KIAA0513: variants seen among roughly 807,000 people sequenced by gnomAD.
KIAA0513 encodes uncharacterized protein KIAA0513.
A neutral mutation model predicts 56.5 loss-of-function variants in KIAA0513; 39 were observed. That is an observed-to-expected ratio of 0.69 (90% CI 0.53 to 0.90). The LOEUF (loss-of-function observed/expected upper bound fraction) is 0.90. Ranked by LOEUF, KIAA0513 falls within the 40% of genes least tolerant of loss-of-function variation. KIAA0513 has a pLI of 0.00. For missense variants in KIAA0513, 591 were observed against 535.2 expected, an observed-to-expected ratio of 1.10 and a Z score of -1.03; for synonymous variants, 268 against 215.6, an observed-to-expected ratio of 1.24 and a Z score of -2.13.
At chr16:85,047,551 C>G (rs1227127134) in intron 1 of KIAA0513, among the ~76,000 whole-genome samples, 1 of 152,218 alleles carries the variant, frequency 6.6e-6, no homozygotes, top group Non-Finnish European at 1.5e-5. Flanking sequence ...GTTCCTCCAG[C>G]TGGAAAGGAA....
chr16:85,052,060 G>T (rs1433092048), intron 1 of KIAA0513, among the ~76,000 whole-genome samples: 1 of 151,794 alleles, frequency 6.6e-6, no homozygotes, highest in South Asian at 2.1e-4. Context: ...AGTGGCTCAC[G>T]CCTGTAATCC....
rs546430952 is a variant in KIAA0513, at chr16:85,068,280, C to A, written c.329+880C>A. ...CAAACAATTCTCCTGCCTCAGCCTC[C>A]CAAGTAGCTGGGATTACAGGTGTGC... On this transcript the variant is annotated intron_variant, in intron 2 of 12. Transcript: ENST00000683363. Among the ~76,000 whole-genome samples the A allele has an allele frequency of 3.2e-3, 488 of 152,208 alleles. 2 individuals are homozygous for A. The highest frequency in any genetic ancestry group is 5.2e-3 in the Non-Finnish European group (354 of 67,994).
chr16:85,074,327 CGTATATATACACACAT>C (rs1329078315), intron 4 of KIAA0513, among the ~76,000 whole-genome samples: 2 of 144,002 alleles, frequency 1.4e-5, no homozygotes, highest in African/African-American at 2.6e-5. Context: ...CACACACACA[CGTATATATACACACAT>C]ACACACACAC....
intron 1 of KIAA0513, among the ~76,000 whole-genome samples, chr16:85,056,203 C>G (rs1258746923): frequency 6.6e-6 from 1 of 152,224 alleles, no homozygotes; most frequent in African/African-American, 2.4e-5. Flanking sequence ...GATCCAGGAT[C>G]CCAGACATGG....
chr16:85,077,433 C>T lies in KIAA0513; in HGVS notation c.583C>T (p.Gln195Ter). The T allele has an allele frequency of 1.9e-6, 3 of 1,613,972 alleles. No homozygotes were observed. Among genetic ancestry groups the T allele is most frequent in the Non-Finnish European group, 1.7e-6 (2 of 1,179,954 alleles). Residue 195 changes from glutamine to a stop codon, truncating the protein, a stop_gained, in exon 6 of 13, where the codon CAG becomes TAG. Coordinates refer to ENST00000683363, the MANE Select transcript of KIAA0513 (RefSeq NM_001388359.1). LOFTEE classifies it high-confidence loss of function. ...TCCCTCTCTCATCCAAGGAAAACCA[C>T]AGCTGCTGCCCCCGGAGTCCCGGGA... ...CFTYYHIGKP[Q>*]LLPPESREKP...
At chr16:85,060,022 G>A (rs1313306517) in intron 1 of KIAA0513, among the ~76,000 whole-genome samples, 2 of 152,146 alleles carry the variant, frequency 1.3e-5, no homozygotes, top group Admixed American at 6.5e-5. Context: ...GTGCAGTGGC[G>A]CTATCTTGGC....
chr16:85,037,043 T>C (rs62048452), intron 1 of KIAA0513, among the ~76,000 whole-genome samples: 2,473 of 152,158 alleles, frequency 0.016, 69 homozygotes, highest in African/African-American at 0.05. Context: ...TAGCCAAGGC[T>C]GATGGGGATG....
At chr16:85,050,350 TA>T (rs1348025998) in intron 1 of KIAA0513, among the ~76,000 whole-genome samples, 12,016 of 131,862 alleles carry the variant, frequency 0.091, 644 homozygotes, top group African/African-American at 0.13. Flanking sequence ...TTTATTTATT[TA>T]TTTATTTATT....
At chr16:85,061,859 C>G (rs975705207) in intron 1 of KIAA0513, among the ~76,000 whole-genome samples, 2 of 152,132 alleles carry the variant, frequency 1.3e-5, no homozygotes, top group African/African-American at 2.4e-5. Context: ...TTAGGAAACC[C>G]CCTCCAGAAT....
chr16:85,037,404 C>T (rs1234523031), intron 1 of KIAA0513, among the ~76,000 whole-genome samples: 1 of 151,986 alleles, frequency 6.6e-6, no homozygotes, highest in Admixed American at 6.6e-5. Flanking sequence ...CAAAATGGGA[C>T]CCTGAAAGGA....
Position 85,071,771 on chromosome 16 carries a change from T to C in KIAA0513, c.330-12T>C, listed in dbSNP as rs1316482096. 5.1e-6 allele frequency: 8 copies of C among 1,569,852 alleles called. No individual in the cohort carries two copies. The highest frequency in any genetic ancestry group is 2.1e-5 in the Admixed American group (1 of 48,732). The stretch of plus-strand genomic sequence containing the variant: ...TTTTTTTTTTTCCTCTGCTCTTTTT[T>C]TTTTTTTTTAGGGAGGACTTGGATC... On this transcript the variant is annotated splice_polypyrimidine_tract_variant and intron_variant, in intron 2 of 12. Coordinates refer to ENST00000683363, the MANE Select transcript of KIAA0513 (RefSeq NM_001388359.1).
chr16:85,055,209 C>T (rs968202652), intron 1 of KIAA0513, among the ~76,000 whole-genome samples: 16 of 152,098 alleles, frequency 1.1e-4, no homozygotes, highest in African/African-American at 3.6e-4. Context: ...CAAATATGAG[C>T]CACCGCCCCC....
intron 2 of KIAA0513, among the ~76,000 whole-genome samples, chr16:85,069,356 G>T (rs2073537908): frequency 6.6e-6 from 1 of 152,094 alleles, no homozygotes; most frequent in South Asian, 2.1e-4. Context: ...GATGACAGCA[G>T]TGCGCCACTA....
chr16:85,035,627 A>G (rs998134368), intron 1 of KIAA0513, among the ~76,000 whole-genome samples: 3 of 152,154 alleles, frequency 2.0e-5, no homozygotes, highest in Non-Finnish European at 4.4e-5. Context: ...AGTAGCTGGG[A>G]CTACAGGCAT....
At chr16:85,071,942 A>T in intron 3 of KIAA0513, 60 bp downstream of exon 3, 1 of 1,173,470 alleles carries the variant, frequency 8.5e-7, no homozygotes, top group Non-Finnish European at 1.3e-6. Flanking sequence ...CTAGTGAAGC[A>T]TAACAAATTT....
chr16:85,054,649 C>G (rs374017984), intron 1 of KIAA0513, among the ~76,000 whole-genome samples: 2 of 151,948 alleles, frequency 1.3e-5, no homozygotes, highest in African/African-American at 4.8e-5. Context: ...AAGCTGGTCT[C>G]GAACTCTTGA....
At position 85,093,552 on chromosome 16, in the gene KIAA0513, C is replaced by G. The variant is rs1234006992; in HGVS notation, c.*5227C>G. 6.6e-6 allele frequency: 1 copy of G among 152,572 alleles called. No homozygotes were observed. Among genetic ancestry groups the G allele is most frequent in the African/African-American group, 2.4e-5 (1 of 41,442 alleles). 9.5% of individuals were successfully genotyped at this position (152,572 alleles called of 1,614,324 possible). ...TAAATCCCCTGTGCATTGACTAGAA[C>G]TGGGGGGCTGCGCCCGCTCCCTCCT... On this transcript the variant is annotated 3_prime_UTR_variant, in exon 13 of 13. Coordinates refer to ENST00000683363, the MANE Select transcript of KIAA0513 (RefSeq NM_001388359.1).
At chr16:85,039,384 C>T (rs2073076748) in intron 1 of KIAA0513, among the ~76,000 whole-genome samples, 1 of 152,154 alleles carries the variant, frequency 6.6e-6, no homozygotes, top group South Asian at 2.1e-4. Flanking sequence ...CTCCCTGCAG[C>T]CTCAACCTCC....
rs1485062071 is a variant in KIAA0513 at position 85,081,357 on chromosome 16, C to G, written c.945C>G (p.Val315=). 2 of 1,594,242 alleles carry G rather than the reference C, an allele frequency of 1.3e-6. No individual in the cohort carries two copies. Among genetic ancestry groups the G allele is most frequent in the African/African-American group, 1.3e-5 (1 of 74,374 alleles). ...GGAATGCAGCCTTTTTTGACGCTGT[C>G]CATTGTGAGAGGACAAAGCGATCTC... ...RFWNAAFFDA[V]HCERTKRSPT... is the part of the protein sequence containing the mutation. Residue 315 remains valine (V), a synonymous_variant, in exon 9 of 13, where the codon GTC becomes GTG. Coordinates refer to ENST00000683363, the MANE Select transcript of KIAA0513 (RefSeq NM_001388359.1). The surrounding 1 kb of genome is among the most constrained non-coding windows in gnomAD (Gnocchi z 4.4).
Sources: gnomAD v4.1 joint callset for allele counts (sites outside exome capture counted in the v4.1 genomes callset) on GRCh38, gnomAD v4.1.1 for gene constraint, Gnocchi (gnomAD v3.1) non-coding constraint, MANE v1.5 for transcripts, NCBI Gene and HGNC (gene_info 2026-07-23, HGNC 2026-07-21) for gene names.